The following GPAM variants were observed in gnomAD, a reference collection of about 807,000 sequenced individuals.
The protein encoded by GPAM is glycerol-3-phosphate acyltransferase 1, mitochondrial.
A neutral mutation model predicts 105.0 loss-of-function variants in GPAM; 56 were observed. The ratio of observed to expected loss-of-function variants is 0.53; its 90% CI spans 0.43 to 0.67. GPAM has a LOEUF of 0.67. GPAM is among the 30% of genes least tolerant of loss of function. The pLI is 0.00. For synonymous variants in GPAM, 368 were observed against 354.4 expected (o/e 1.04, Z -0.43); for missense variants, 855 against 989.8 (o/e 0.86, Z 1.83).
At chr10:112,165,806 G>A (rs1847205760) in intron 12 of GPAM, among the ~76,000 whole-genome samples, 1 of 152,068 alleles carries the variant, frequency 6.6e-6, no homozygotes, top group South Asian at 2.1e-4. Flanking sequence ...AGATTCCCAT[G>A]AATTTTTATT....
At chr10:112,171,400 G>C (rs1027459527) in intron 9 of GPAM, among the ~76,000 whole-genome samples, 4 of 152,116 alleles carry the variant, frequency 2.6e-5, no homozygotes, top group African/African-American at 9.7e-5. Context: ...CTATCCTAAT[G>C]GAAGCAGAAT....
chr10:112,153,873 T>G, intron 21 of GPAM: 1 of 492,638 alleles, frequency 2.0e-6, no homozygotes, highest in African/African-American at 2.0e-5. Context: ...TTTTCTATTT[T>G]TTTTTTTTTG....
chr10:112,222,748 G>C, the GPAM span, among the ~76,000 whole-genome samples: 9 of 152,216 alleles, frequency 5.9e-5, no homozygotes, highest in Non-Finnish European at 1.2e-4. Context: ...TTCCCAGCTA[G>C]ATCATGAGCT....
the GPAM span, among the ~76,000 whole-genome samples, chr10:112,227,001 T>G: frequency 6.6e-6 from 1 of 152,128 alleles, no homozygotes; most frequent in Non-Finnish European, 1.5e-5. Context: ...CCAAGACTCT[T>G]TTACATTATG....
chr10:112,150,625 C>T lies in GPAM; in HGVS notation c.*2925G>A. The T allele has an allele frequency of 1.1e-6, 1 of 930,698 alleles. No individual in the cohort carries two copies. Among genetic ancestry groups the T allele is most frequent in the South Asian group, 4.9e-5 (1 of 20,202 alleles). 57.7% of individuals were successfully genotyped at this position (930,698 alleles called of 1,614,324 possible). A position where few individuals can be genotyped will look rare whatever the true frequency, so the allele number is the denominator to read the frequency against. ...CATTAGTGAGAGGTTCATAAGTATC[C>T]CAAAGGAGAAAAAGGTCCTGGTGTC... is the stretch of plus-strand genomic sequence containing the variant. On this transcript the variant is annotated 3_prime_UTR_variant, in exon 22 of 22. Transcript: ENST00000348367.
intron 9 of GPAM, among the ~76,000 whole-genome samples, chr10:112,170,575 G>A (rs77192203): frequency 1.3e-5 from 2 of 152,170 alleles, no homozygotes; most frequent in African/African-American, 2.4e-5. Context: ...GGCTTCTCTA[G>A]AGCCCCAGTG....
intron 9 of GPAM, among the ~76,000 whole-genome samples, chr10:112,171,038 C>G (rs1027137831): frequency 1.2e-4 from 19 of 152,206 alleles, no homozygotes; most frequent in African/African-American, 4.1e-4. Context: ...GCACAACCTG[C>G]CAGCCCACTT....
In GPAM at chr10:112,161,732, T is replaced by C; in HGVS notation, c.1429A>G (p.Ser477Gly). 6.2e-7 allele frequency: 1 copy of C among 1,614,080 alleles called. No homozygotes were observed. Among genetic ancestry groups the C allele is most frequent in the African/African-American group, 1.3e-5 (1 of 75,076 alleles). ...GTGGACATAATGGCACAGGACTTGC[T>C]AGCAGCTGGAAGGCAAACACAAAGC... Reference protein sequence around the residue: ...NLAEHILFTASKSCAIMSTHI... With the variant: ...NLAEHILFTAGKSCAIMSTHI... Residue 477 changes from serine to glycine, a missense_variant, in exon 15 of 22, where the codon AGC becomes GGC. By Grantham distance (56) the Ser-to-Gly change is moderately conservative. Coordinates refer to ENST00000348367, the MANE Select transcript of GPAM (RefSeq NM_001244949.2).
intron 9 of GPAM, among the ~76,000 whole-genome samples, chr10:112,171,547 A>G (rs1589590509): frequency 6.6e-6 from 1 of 151,742 alleles, no homozygotes; most frequent in African/African-American, 2.4e-5. Flanking sequence ...CACAGCTACC[A>G]CCTCCAGTCT....
chr10:112,201,937 G>A (rs1242931661), intron 1 of GPAM, among the ~76,000 whole-genome samples: 1 of 152,216 alleles, frequency 6.6e-6, no homozygotes, highest in Non-Finnish European at 1.5e-5. Context: ...CCAGGCACAA[G>A]GCTGTAGGTT....
the GPAM span, among the ~76,000 whole-genome samples, chr10:112,222,793 C>G: frequency 6.6e-6 from 1 of 152,154 alleles, no homozygotes; most frequent in South Asian, 2.1e-4. Context: ...TCTCAGATCT[C>G]TGTAGTCTCC....
At chr10:112,182,244 T>G (rs1156887463) in intron 2 of GPAM, among the ~76,000 whole-genome samples, 1 of 152,184 alleles carries the variant, frequency 6.6e-6, no homozygotes, top group African/African-American at 2.4e-5. Flanking sequence ...GTTAATTGAA[T>G]AGTTCCTGGC....
intron 15 of GPAM, among the ~76,000 whole-genome samples, chr10:112,161,259 T>A (rs997360651): frequency 2.6e-5 from 4 of 152,368 alleles, no homozygotes; most frequent in Non-Finnish European, 5.9e-5. Flanking sequence ...GTTGAGAATA[T>A]GACTGAACAA....
intron 1 of GPAM, among the ~76,000 whole-genome samples, chr10:112,183,207 T>G (rs1212851179): frequency 1.3e-5 from 2 of 152,256 alleles, no homozygotes; most frequent in Non-Finnish European, 2.9e-5. Flanking sequence ...ATGGGCAGAA[T>G]GATAGCTCTT....
intron 5 of GPAM, 55 bp from the exon 6 acceptor site, chr10:112,175,768 T>A: frequency 9.3e-7 from 1 of 1,079,908 alleles, no homozygotes; most frequent in Non-Finnish European, 1.4e-6. Flanking sequence ...ACAAGTTGCT[T>A]AAATCATAAA....
rs528125884 is a variant in GPAM, at chr10:112,163,741, T to C, written c.1383A>G (p.Arg461=). The C allele has an allele frequency of 3.8e-6, 6 of 1,599,026 alleles. No individual in the cohort carries two copies. The East Asian group carries it at 8.9e-5, about 24-fold the overall frequency. ...ESRNATDESL[R]RRLIANLAEH... is the part of the protein sequence containing the mutation. ...CAGCCAGATTTGCAATCAACCTCCT[T>C]CGTAGGGATTCATCTGTTGCATTTC... The change falls in exon 14 of 22, where the codon CGA becomes CGG. Residue 461 remains arginine, a synonymous_variant. Coordinates refer to ENST00000348367, the MANE Select transcript of GPAM (RefSeq NM_001244949.2).
chr10:112,177,970 A>T lies in GPAM; in HGVS notation c.299+14T>A, dbSNP rs773248386. ...TTTTGAGATGTATTAAAAACATAAG[A>T]AATTTCTTTTTACCTTGTGTGAGTT... On this transcript the variant is annotated intron_variant, in intron 5 of 21. Transcript: ENST00000348367. 1.4e-6 allele frequency: 2 copies of T among 1,437,632 alleles called. No individual in the cohort carries two copies. The highest frequency in any genetic ancestry group is 1.7e-5 in the Admixed American group (1 of 59,702). 89.1% of individuals were successfully genotyped at this position (1,437,632 alleles called of 1,614,324 possible). A position where few individuals can be genotyped will look rare whatever the true frequency, so the allele number is the denominator to read the frequency against.
intron 1 of GPAM, among the ~76,000 whole-genome samples, chr10:112,199,450 G>A (rs77979714): frequency 0.01 from 1,531 of 152,232 alleles, 31 homozygotes; most frequent in African/African-American, 0.035. Context: ...GTTAGGAGGA[G>A]TAAGTTCCTG....
At chr10:112,156,248 T>C (rs1847016163) in intron 19 of GPAM, 195 bp from the exon 20 acceptor site, 1 of 611,094 alleles carries the variant, frequency 1.6e-6, no homozygotes, top group Non-Finnish European at 2.9e-6. Context: ...AAACACATTC[T>C]TTATTGTAAT....
Sources: gnomAD v4.1 joint callset for allele counts (sites outside exome capture counted in the v4.1 genomes callset) on GRCh38, gnomAD v4.1.1 for gene constraint, MANE v1.5 for transcripts, NCBI Gene and HGNC (gene_info 2026-07-23, HGNC 2026-07-21) for gene names.